MAST4: variants seen among roughly 807,000 people sequenced by gnomAD.
MAST4 encodes microtubule-associated serine/threonine-protein kinase 4.
Under a neutral mutation model 162.7 loss-of-function variants are expected in MAST4, and 89 were observed. The observed-to-expected ratio is 0.55, with a 90% CI of 0.46 to 0.65. MAST4 has a LOEUF of 0.65. MAST4 is among the 30% of genes least tolerant of loss of function. MAST4 has a pLI of 0.00. For synonymous variants in MAST4, 1,479 were observed against 1,361.1 expected (o/e 1.09, Z -1.91); for missense variants, 3,153 against 3,374.0 (o/e 0.93, Z 1.62).
At chr5:67,132,150 G>GA (rs1329388569) in intron 16 of MAST4, among the ~76,000 whole-genome samples, 199 bp downstream of exon 16, 1 of 151,918 alleles carries the variant, frequency 6.6e-6, no homozygotes, top group African/African-American at 2.4e-5. Flanking sequence ...GAAACTCATG[G>GA]AAAAAAGGAT....
intron 3 of MAST4, among the ~76,000 whole-genome samples, chr5:66,806,178 A>G (rs929703890): frequency 1.8e-4 from 27 of 152,228 alleles, no homozygotes; most frequent in Non-Finnish European, 3.8e-4. Context: ...GCTCAAAGGG[A>G]GATGGGTGCT....
intron 10 of MAST4, among the ~76,000 whole-genome samples, chr5:67,107,062 C>T (rs1231598173): frequency 6.6e-6 from 1 of 152,204 alleles, no homozygotes; most frequent in Non-Finnish European, 1.5e-5. Flanking sequence ...CTAAATGGTG[C>T]ACTTTTGAAC....
rs778587618 is a variant in MAST4 at position 67,165,378 on chromosome 5, C to G, written c.6199C>G (p.Pro2067Ala). Residue 2067 changes from proline to alanine, a missense_variant, in exon 29 of 29, where the codon CCC (proline) becomes GCC (alanine). Pro to Ala is a conservative substitution (Grantham distance 27, BLOSUM62 -1). Transcript: ENST00000403625. ...DNSSLHSAGI[P>A]CEKELGKVRR... is the part of the protein sequence containing the mutation. ...CTCCTCTCTGCACTCAGCTGGAATT[C>G]CCTGTGAGAAGGAGCTGGGCAAGGT... 9 of 1,613,618 alleles carry G rather than the reference C, an allele frequency of 5.6e-6. No individual in the cohort carries two copies. The highest frequency in any genetic ancestry group is 1.3e-5 in the African/African-American group (1 of 74,924).
chr5:66,970,128 A>T (rs1465096003), intron 4 of MAST4, among the ~76,000 whole-genome samples: 1 of 152,138 alleles, frequency 6.6e-6, no homozygotes, highest in East Asian at 1.9e-4. Context: ...GATGAGGAAG[A>T]TTGGCAGTCT....
chr5:66,700,800 T>TACACACACAC (rs10522165), intron 1 of MAST4, among the ~76,000 whole-genome samples: 140 of 91,164 alleles, frequency 1.5e-3, no homozygotes, highest in African/African-American at 4.9e-3. Flanking sequence ...TATATATATA[T>TACACACACAC]ACACACACAC....
intron 1 of MAST4, among the ~76,000 whole-genome samples, chr5:66,611,300 AGT>A (rs1743271947): frequency 6.6e-6 from 1 of 152,124 alleles, no homozygotes; most frequent in Non-Finnish European, 1.5e-5. Flanking sequence ...CTTACACTCA[AGT>A]GTGTGTTTTT....
chr5:67,127,765 G>T (rs975026361), intron 14 of MAST4, among the ~76,000 whole-genome samples: 1 of 152,050 alleles, frequency 6.6e-6, no homozygotes, highest in African/African-American at 2.4e-5. Flanking sequence ...CTGAAAAAAA[G>T]AAAAACATAC....
Position 66,718,060 on chromosome 5 carries a change from A to G in MAST4, c.364-41649A>G, listed in dbSNP as rs532953328. ...GCTCTTGGCCATTGCACAGTGGCTT[A>G]CATCCTGTGTGCTTTAAAAAAAAAA... On this transcript the variant is annotated intron_variant, in intron 1 of 28. Transcript: ENST00000403625. 2.6e-5 allele frequency among the ~76,000 whole-genome samples: 4 copies of G among 152,070 alleles called. No homozygotes were observed. In the East Asian group the frequency reaches 7.7e-4, roughly 29 times the overall value.
intron 4 of MAST4, among the ~76,000 whole-genome samples, chr5:66,963,024 T>C (rs1355606484): frequency 6.6e-6 from 1 of 151,848 alleles, no homozygotes; most frequent in Non-Finnish European, 1.5e-5. Context: ...TATTTGAGAA[T>C]TGGCTGGAAT....
rs924900416 is a variant in MAST4, at chr5:66,692,661, C to T, written c.364-67048C>T. Among the ~76,000 whole-genome samples, 34 of 152,156 alleles carry T rather than the reference C, an allele frequency of 2.2e-4. 1 individual carries two copies. Among genetic ancestry groups the T allele is most frequent in the African/African-American group, 8.0e-4 (33 of 41,434 alleles). ...GGGTCCTAATATATAAAACAACCAACTTGTTTGCATATCATTCATCGCCTT... is the reference window on the plus strand; with the variant it reads ...GGGTCCTAATATATAAAACAACCAATTTGTTTGCATATCATTCATCGCCTT... On this transcript the variant is annotated intron_variant, in intron 1 of 28. Transcript: ENST00000403625.
chr5:67,112,336 A>G (rs146578752), intron 11 of MAST4, among the ~76,000 whole-genome samples: 109 of 152,314 alleles, frequency 7.2e-4, no homozygotes, highest in African/African-American at 2.5e-3. Context: ...ACAACAAGCA[A>G]GCAAGCCTTT....
intron 1 of MAST4, among the ~76,000 whole-genome samples, chr5:66,682,208 C>T (rs1187858917): frequency 1.3e-5 from 2 of 152,130 alleles, no homozygotes; most frequent in Non-Finnish European, 2.9e-5. Context: ...TGAGTGGCCC[C>T]ACACCCCAGA....
chr5:66,622,742 A>G (rs1261729711), intron 1 of MAST4: 1 of 152,240 alleles, frequency 6.6e-6, no homozygotes, highest in African/African-American at 2.4e-5. Context: ...AGGACTTCCA[A>G]GTTTTTGGCC....
intron 3 of MAST4, among the ~76,000 whole-genome samples, chr5:66,861,832 C>T (rs961643140): frequency 2.0e-5 from 3 of 152,136 alleles, no homozygotes; most frequent in Non-Finnish European, 4.4e-5. Flanking sequence ...ATAGTGATTA[C>T]ACCCCGGTAG....
intron 1 of MAST4, among the ~76,000 whole-genome samples, chr5:66,688,651 T>A (rs1203459414): frequency 6.6e-6 from 1 of 152,206 alleles, no homozygotes; most frequent in African/African-American, 2.4e-5. Flanking sequence ...TCTTTTTCAG[T>A]ACTTCTGGAA....
At chr5:66,819,697 T>C (rs559046930) in intron 3 of MAST4, among the ~76,000 whole-genome samples, 2 of 152,240 alleles carry the variant, frequency 1.3e-5, no homozygotes, top group East Asian at 3.9e-4. Context: ...TGTGTTTACA[T>C]TTTTTGTTTT....
In MAST4 at chr5:66,993,690, G is replaced by A. The variant is rs546929356; in HGVS notation, c.675-60714G>A. Among the ~76,000 whole-genome samples the A allele has an allele frequency of 5.3e-5, 8 of 152,288 alleles. No homozygotes were observed. In the South Asian group the frequency reaches 1.7e-3, roughly 32 times the overall value. ...TGGCAGAGCTTACTGTGTCTGAGGA[G>A]CTTAAAGTAATCCAGTATTTCTGAC... On this transcript the variant is annotated intron_variant, in intron 4 of 28. Transcript: ENST00000403625.
At chr5:66,879,227 C>T (rs557143169) in intron 3 of MAST4, among the ~76,000 whole-genome samples, 5 of 151,886 alleles carry the variant, frequency 3.3e-5, no homozygotes, top group South Asian at 4.2e-4. Flanking sequence ...TGCAGTGAGC[C>T]GAGATTGCGC....
intron 27 of MAST4, among the ~76,000 whole-genome samples, chr5:67,162,078 T>C (rs1206580316): frequency 6.6e-6 from 1 of 152,220 alleles, no homozygotes; most frequent in Non-Finnish European, 1.5e-5. Flanking sequence ...CGGTTTTTTC[T>C]ATGTCGTTGT....
Sources: gnomAD v4.1 joint callset for allele counts (sites outside exome capture counted in the v4.1 genomes callset) on GRCh38, gnomAD v4.1.1 for gene constraint, MANE v1.5 for transcripts, NCBI Gene and HGNC (gene_info 2026-07-23, HGNC 2026-07-21) for gene names.